Variants in BIRC6 observed in about 807,000 individuals in gnomAD.
The protein encoded by BIRC6 is baculoviral IAP repeat containing 6, also known as dual E2 ubiquitin-conjugating enzyme/E3 ubiquitin-protein ligase BIRC6.
A neutral mutation model predicts 503.3 loss-of-function variants in BIRC6; 98 were observed. That is an observed-to-expected ratio of 0.19 (90% CI 0.17 to 0.23). The LOEUF (loss-of-function observed/expected upper bound fraction) is 0.23. Among genes scored for constraint, BIRC6 ranks in the 10% least tolerant of loss-of-function variants. BIRC6 has a pLI of 1.00. For missense variants in BIRC6, 5,360 were observed against 5,806.0 expected, an observed-to-expected ratio of 0.92 and a Z score of 2.50; for synonymous variants, 2,240 against 2,078.7, an observed-to-expected ratio of 1.08 and a Z score of -2.11.
rs572041473 is a variant in BIRC6, at chr2:32,439,209, A to G, written c.3632-299A>G. Among the ~76,000 whole-genome samples, 5 of 151,274 alleles carry G rather than the reference A, an allele frequency of 3.3e-5. No individual in the cohort carries two copies. In the South Asian group the frequency reaches 1.0e-3, roughly 32 times the overall value. On this transcript the variant is annotated intron_variant, in intron 15 of 73. Coordinates refer to ENST00000421745, the MANE Select transcript of BIRC6 (RefSeq NM_016252.4). ...TGTGTGCGTGTGTATGTGTGTGTGT[A>G]GTTGATGACATTTTTACCATTAAAA...
In BIRC6 at chr2:32,443,554, T is replaced by A; in HGVS notation, c.4302T>A (p.Asp1434Glu). Residue 1434 changes from aspartate (D) to glutamate (E), a missense_variant, in exon 20 of 74, where the codon GAT (aspartate) becomes GAA (glutamate). By Grantham distance (45) the Asp-to-Glu change is conservative (BLOSUM62 2). Transcript: ENST00000421745. ...CTGTTCTGTTGAAGGCTTTACTTGA[T>A]AATATGTCATTTTTACCTGCAGCAA... ...FGPVLLKALL[D>E]NMSFLPAATT... 3 of 1,608,534 alleles carry A rather than the reference T, an allele frequency of 1.9e-6. No individual in the cohort carries two copies. The highest frequency in any genetic ancestry group is 2.5e-6 in the Non-Finnish European group (3 of 1,177,298).
chr2:32,443,887 T>C (rs2045684571), intron 20 of BIRC6, among the ~76,000 whole-genome samples: 1 of 152,210 alleles, frequency 6.6e-6, no homozygotes, highest in Non-Finnish European at 1.5e-5. Flanking sequence ...CTGTAACAGA[T>C]CAGATGCCAG....
intron 8 of BIRC6, among the ~76,000 whole-genome samples, chr2:32,406,171 T>A (rs1012227039): frequency 6.6e-6 from 1 of 152,052 alleles, no homozygotes; most frequent in Non-Finnish European, 1.5e-5. Flanking sequence ...GTGGGAAGAT[T>A]GCTTAAGCCC....
chr2:32,565,254 AC>A (rs1411741037), intron 65 of BIRC6: 1 of 152,200 alleles, frequency 6.6e-6, no homozygotes, highest in Admixed American at 6.5e-5. Flanking sequence ...GAAAGTAGAA[AC>A]CATCTATCTT....
At chr2:32,459,695 A>G (rs981868416) in intron 23 of BIRC6, among the ~76,000 whole-genome samples, 7 of 151,956 alleles carry the variant, frequency 4.6e-5, no homozygotes, top group African/African-American at 1.7e-4. Context: ...TAAATCCAGA[A>G]TACACACTGG....
Position 32,453,855 on chromosome 2 carries a change from T to G in BIRC6, c.4666T>G (p.Ser1556Ala). 1 of 1,613,756 alleles carries G rather than the reference T, an allele frequency of 6.2e-7. No homozygotes were observed. The highest frequency in any genetic ancestry group is 1.1e-5 in the South Asian group (1 of 91,084). The change falls in exon 23 of 74, where the codon TCT becomes GCT. Residue 1556 changes from serine to alanine, a missense_variant. Coordinates refer to ENST00000421745, the MANE Select transcript of BIRC6 (RefSeq NM_016252.4). ...SCTAAEGSFT[S>A]LTGLLEVEPL... ...CACAGCTGCTGAGGGTAGTTTCACATCTCTCACTGGACTTTTGGAAGTTGA... is the reference window on the plus strand; with the variant it reads ...CACAGCTGCTGAGGGTAGTTTCACAGCTCTCACTGGACTTTTGGAAGTTGA...
intron 73 of BIRC6, among the ~76,000 whole-genome samples, chr2:32,614,157 C>G (rs1411830188): frequency 6.6e-6 from 1 of 152,196 alleles, no homozygotes; most frequent in African/African-American, 2.4e-5. Flanking sequence ...TGTATCTCAT[C>G]CTTCATCCAG....
Position 32,499,993 on chromosome 2 carries a change from G to C in BIRC6, c.8915G>C (p.Ser2972Thr), listed in dbSNP as rs147986197. Residue 2972 changes from serine (S) to threonine (T), a missense_variant, in exon 46 of 74, where the codon AGT becomes ACT. By Grantham distance (58) the Ser-to-Thr change is moderately conservative. This residue lies in a region of BIRC6 where 2,299 missense variants were observed against 2,267.2 expected (regional missense o/e 1.01). Coordinates refer to ENST00000421745, the MANE Select transcript of BIRC6 (RefSeq NM_016252.4). ...AAAGATGGCAATGGAAGCAGTACCAGTGTTCAAGGATCGCCTGCATATGTT... is the reference window on the plus strand; with the variant it reads ...AAAGATGGCAATGGAAGCAGTACCACTGTTCAAGGATCGCCTGCATATGTT... The part of the protein sequence containing the change: ...GGKDGNGSST[S>T]VQGSPAYVAD... 2 of 1,613,994 alleles carry C rather than the reference G, an allele frequency of 1.2e-6. No homozygotes were observed. Among genetic ancestry groups the C allele is most frequent in the East Asian group, 2.2e-5 (1 of 44,880 alleles).
chr2:32,513,359 C>CT (rs1162046741), intron 54 of BIRC6, among the ~76,000 whole-genome samples: 1 of 152,026 alleles, frequency 6.6e-6, no homozygotes, highest in Admixed American at 6.6e-5. Flanking sequence ...GTACTGCCTT[C>CT]TTTTTTTTAA....
At chr2:32,405,244 T>C (rs997536188) in intron 8 of BIRC6, among the ~76,000 whole-genome samples, 2 of 152,216 alleles carry the variant, frequency 1.3e-5, no homozygotes, top group African/African-American at 4.8e-5. Context: ...TTTTTACACT[T>C]ACTCTGTTTC....
At position 32,430,988 on chromosome 2, in the gene BIRC6, T is replaced by C; in HGVS notation, c.3146T>C (p.Val1049Ala). 1 of 1,613,208 alleles carries C rather than the reference T, an allele frequency of 6.2e-7. No individual in the cohort carries two copies. The change falls in exon 12 of 74, where the codon GTT (valine) becomes GCT (alanine). Residue 1049 changes from valine (V) to alanine (A), a missense_variant. Val to Ala is a moderately conservative substitution (Grantham distance 64, BLOSUM62 0). Transcript: ENST00000421745. ...ACTGTTCCTCCATGCTGGGTAGAAG[T>C]TCAACAAGAACAGCAGCAAAGGAGG... ...SATVPPCWVE[V>A]QQEQQQRRHP... is the part of the protein sequence containing the mutation.
In BIRC6 at chr2:32,464,594, T is replaced by C; in HGVS notation, c.5027T>C (p.Val1676Ala). 2 of 1,613,150 alleles carry C rather than the reference T, an allele frequency of 1.2e-6. No individual in the cohort carries two copies. The highest frequency in any genetic ancestry group is 1.7e-6 in the Non-Finnish European group (2 of 1,179,388). Reference protein sequence around the residue: ...ASAVGPVHNSVPSNPVAAPGF... With the variant: ...ASAVGPVHNSAPSNPVAAPGF... ...GCAGTAGGTCCTGTTCACAACTCTG[T>C]GCCTTCCAACCCAGTGGCTGCCCCT... Residue 1676 changes from valine to alanine, a missense_variant, in exon 25 of 74, where the codon GTG becomes GCG. Val to Ala is a moderately conservative substitution (Grantham distance 64). Transcript: ENST00000421745.
intron 23 of BIRC6, among the ~76,000 whole-genome samples, chr2:32,458,988 C>A (rs995734908): frequency 1.3e-5 from 2 of 152,066 alleles, no homozygotes; most frequent in Non-Finnish European, 2.9e-5. Flanking sequence ...CCGTGCCCAG[C>A]CTCTATTGTC....
In BIRC6 at chr2:32,515,790, T is replaced by TA. The variant is rs774171123; in HGVS notation, c.11349+21dup. The TA allele has an allele frequency of 6.4e-7, 1 of 1,567,010 alleles. No homozygotes were observed. On this transcript the variant is annotated intron_variant, in intron 55 of 73. Coordinates refer to ENST00000421745, the MANE Select transcript of BIRC6 (RefSeq NM_016252.4). ...GCACAGGTAAGACAAAAAAATAACT[T>TA]ACATTTTAGTTGTTTTATTACATAA...
At chr2:32,574,891 G>C in intron 65 of BIRC6, 1 of 449,628 alleles carries the variant, frequency 2.2e-6, no homozygotes, top group Admixed American at 3.5e-5. Context: ...GAGATTACAG[G>C]CATGCGCCAT....
In BIRC6 at chr2:32,518,909, C is replaced by G; in HGVS notation, c.11586C>G (p.Val3862=). Residue 3862 remains valine, a synonymous_variant, in exon 57 of 74, where the codon GTC becomes GTG. Transcript: ENST00000421745. The part of the protein sequence containing the change: ...GHKFRTLHLP[V]STTLSDVLDR... ...AATTCCGTACTCTTCATTTGCCAGT[C>G]TCAACAACATTATCAGATGTTCTTG... 6.2e-7 allele frequency: 1 copy of G among 1,613,796 alleles called. No homozygotes were observed. Among genetic ancestry groups the G allele is most frequent in the Admixed American group, 1.7e-5 (1 of 60,006 alleles).
intron 65 of BIRC6, chr2:32,564,013 G>C (rs1205565424): frequency 2.0e-5 from 3 of 152,588 alleles, no homozygotes; most frequent in African/African-American, 7.2e-5. Flanking sequence ...GGGAGGCGGA[G>C]GTTGCAGTGA....
At chr2:32,435,725 T>C in intron 14 of BIRC6, 140 bp downstream of exon 14, 2 of 925,050 alleles carry the variant, frequency 2.2e-6, no homozygotes, top group South Asian at 4.6e-5. Flanking sequence ...TAATTCTGCT[T>C]TGGCAATATG....
chr2:32,531,760 C>A (rs1409210847), intron 61 of BIRC6, among the ~76,000 whole-genome samples: 2 of 152,210 alleles, frequency 1.3e-5, no homozygotes, highest in Non-Finnish European at 2.9e-5. Flanking sequence ...AGATCAAGCA[C>A]ACTTGCCAGA....
Sources: allele counts gnomAD v4.1 joint callset (sites outside exome capture counted in the v4.1 genomes callset), GRCh38; gene constraint gnomAD v4.1.1; regional missense constraint gnomAD v4.1.1; transcripts MANE v1.5; gene names NCBI Gene and HGNC (gene_info 2026-07-23, HGNC 2026-07-21).